The following TXNDC8 variants were observed in gnomAD, a reference collection of about 807,000 sequenced individuals.
TXNDC8 encodes thioredoxin domain-containing protein 8.
Under a neutral mutation model 12.9 loss-of-function variants are expected in TXNDC8, and 15 were observed. That is an observed-to-expected ratio of 1.16 (90% CI 0.78 to 1.79). TXNDC8 has a LOEUF of 1.79. Ranked by LOEUF, TXNDC8 falls within the 40% of genes most tolerant of loss-of-function variation. TXNDC8 has a pLI of 0.00. For synonymous variants in TXNDC8, 40 were observed against 35.4 expected (o/e 1.13, Z -0.46); for missense variants, 128 against 113.2 (o/e 1.13, Z -0.59).
At chr9:110,332,568 G>A (rs2118867451) in intron 2 of TXNDC8, among the ~76,000 whole-genome samples, 1 of 107,862 alleles carries the variant, frequency 9.3e-6, no homozygotes, top group East Asian at 2.0e-4. Context: ...AGTATTTTTA[G>A]CTGTATAGTC....
chr9:110,315,258 C>A (rs576996516), intron 3 of TXNDC8, among the ~76,000 whole-genome samples: 52 of 152,178 alleles, frequency 3.4e-4, no homozygotes, highest in Non-Finnish European at 6.6e-4. Flanking sequence ...CCACCACACC[C>A]AGCTAATTTT....
chr9:110,319,925 A>G (rs1190434424), intron 3 of TXNDC8, among the ~76,000 whole-genome samples: 1 of 152,202 alleles, frequency 6.6e-6, no homozygotes, highest in East Asian at 1.9e-4. Context: ...ACATAAGGGC[A>G]CAAGCTTCCT....
At chr9:110,301,527 C>T (rs1188393711), downstream of TXNDC8, among the ~76,000 whole-genome samples, 1 of 152,116 alleles carries the variant, frequency 6.6e-6, no homozygotes, top group Non-Finnish European at 1.5e-5. Context: ...TCCACCCCCA[C>T]CCTTATAATA....
At chr9:110,334,601 C>T (rs149219719) in intron 1 of TXNDC8, among the ~76,000 whole-genome samples, 182 of 152,184 alleles carry the variant, frequency 1.2e-3, no homozygotes, top group African/African-American at 4.3e-3. Flanking sequence ...CTAGCTGACC[C>T]CACCTTAAAT....
Position 110,329,224 on chromosome 9 carries a change from A to G in TXNDC8, c.130-2984T>C. On this transcript the variant is annotated intron_variant, in intron 2 of 4. Transcript: ENST00000423740. ...TGAGTATGTGCACAGAAGATTTAAG[A>G]TTCTTACCGGAGAATTGTTCACATC... The G allele has an allele frequency of 6.2e-7, 1 of 1,611,616 alleles. No homozygotes were observed. The highest frequency in any genetic ancestry group is 8.5e-7 in the Non-Finnish European group (1 of 1,178,674).
chr9:110,312,155 G>A (rs1838713791), intron 3 of TXNDC8, among the ~76,000 whole-genome samples: 1 of 151,998 alleles, frequency 6.6e-6, no homozygotes, highest in African/African-American at 2.4e-5. Context: ...TTGCTTTATT[G>A]ACAGCTTTTA....
chr9:110,331,739 C>T (rs151143517), intron 2 of TXNDC8, among the ~76,000 whole-genome samples: 9 of 152,276 alleles, frequency 5.9e-5, no homozygotes, highest in African/African-American at 1.4e-4. Flanking sequence ...CTAGATCCCT[C>T]GCATGTGCAA....
At chr9:110,309,433 T>C (rs1487633421) in intron 3 of TXNDC8, among the ~76,000 whole-genome samples, 1 of 152,176 alleles carries the variant, frequency 6.6e-6, no homozygotes, top group Non-Finnish European at 1.5e-5. Context: ...CCTCCCATGT[T>C]CAAGTGATTC....
At chr9:110,311,568 A>C (rs1326777284) in intron 3 of TXNDC8, among the ~76,000 whole-genome samples, 2 of 111,062 alleles carry the variant, frequency 1.8e-5, no homozygotes, top group African/African-American at 6.3e-5. Context: ...TCTCCATACT[A>C]TATATATATG....
chr9:110,303,446 C>T, downstream of TXNDC8: 1 of 1,461,342 alleles, frequency 6.8e-7, no homozygotes, highest in Non-Finnish European at 9.2e-7. Flanking sequence ...ACAGTATTTG[C>T]TGGAAATGAA....
intron 3 of TXNDC8, chr9:110,323,975 G>T (rs1007171612): frequency 6.4e-7 from 1 of 1,550,728 alleles, no homozygotes. Context: ...GGAGTTCACT[G>T]GTTGGTGTAG....
At chr9:110,302,706 C>T (rs147808268), downstream of TXNDC8, among the ~76,000 whole-genome samples, 49 of 150,956 alleles carry the variant, frequency 3.2e-4, no homozygotes, top group African/African-American at 1.1e-3. Context: ...TGTGTGTACA[C>T]GTCTGTGTTT....
chr9:110,324,585 T>A (rs929578031), intron 3 of TXNDC8, among the ~76,000 whole-genome samples: 3 of 152,200 alleles, frequency 2.0e-5, no homozygotes, highest in African/African-American at 7.2e-5. Flanking sequence ...TTACTTAGCC[T>A]TTTTACTTAA....
chr9:110,315,222 C>G (rs1002986628), intron 3 of TXNDC8, among the ~76,000 whole-genome samples: 3 of 151,986 alleles, frequency 2.0e-5, no homozygotes, highest in Non-Finnish European at 2.9e-5. Flanking sequence ...CTCAGCCTCC[C>G]GAGTAGCTGG....
chr9:110,305,147 C>CAAAAAAAAAAAAAAAAAA (rs769344640), intron 3 of TXNDC8, among the ~76,000 whole-genome samples: 1 of 57,128 alleles, frequency 1.8e-5, no homozygotes, highest in Non-Finnish European at 3.3e-5. Context: ...GATTCTGTCT[C>CAAAAAAAAAAAAAAAAAA]AAAAAAAAAA....
chr9:110,335,339 C>A (rs955903688), intron 1 of TXNDC8, among the ~76,000 whole-genome samples: 1 of 151,980 alleles, frequency 6.6e-6, no homozygotes, highest in Non-Finnish European at 1.5e-5. Flanking sequence ...CGGACTCAAG[C>A]CATCCTCCCA....
At chr9:110,323,438 G>C (rs34277011) in intron 3 of TXNDC8, 6 of 698,514 alleles carry the variant, frequency 8.6e-6, no homozygotes, top group Non-Finnish European at 1.1e-5. Context: ...TTGAGAAATG[G>C]CTATTTAAAT....
At chr9:110,301,380 G>C (rs1838268148), downstream of TXNDC8, among the ~76,000 whole-genome samples, 1 of 152,192 alleles carries the variant, frequency 6.6e-6, no homozygotes, top group Admixed American at 6.5e-5. Context: ...AAATATATAT[G>C]TGAGCATGGC....
At chr9:110,320,602 C>T (rs752231849) in intron 3 of TXNDC8, among the ~76,000 whole-genome samples, 1 of 152,210 alleles carries the variant, frequency 6.6e-6, no homozygotes, top group African/African-American at 2.4e-5. Context: ...AGGCTTCAGA[C>T]GGTCACTGAA....
Sources: gnomAD v4.1 joint callset for allele counts (sites outside exome capture counted in the v4.1 genomes callset) on GRCh38, gnomAD v4.1.1 for gene constraint, MANE v1.5 for transcripts, NCBI Gene and HGNC (gene_info 2026-07-23, HGNC 2026-07-21) for gene names.